IL15RA: variants seen among roughly 807,000 people sequenced by gnomAD.
IL15RA encodes interleukin-15 receptor subunit alpha.
IL15RA carries 26 observed loss-of-function variants against 24.2 expected under a neutral mutation model. The observed-to-expected ratio is 1.07, with a 90% CI of 0.79 to 1.49. The LOEUF (loss-of-function observed/expected upper bound fraction) is 1.49. Among genes scored for constraint, IL15RA ranks in the 40% most tolerant of loss-of-function variants. The probability of loss-of-function intolerance (pLI) is 0.00; values close to 1 mark genes in which losing one functional copy is unlikely to be tolerated. For synonymous variants in IL15RA, 166 were observed against 157.6 expected, an observed-to-expected ratio of 1.05 and a Z score of -0.40; for missense variants, 354 against 356.4, an observed-to-expected ratio of 0.99 and a Z score of 0.05.
chr10:5,962,591 C>CAAAA lies in IL15RA; in HGVS notation c.382+1148_382+1151dup, dbSNP rs1353262028. On this transcript the variant is annotated intron_variant, in intron 3 of 6. Coordinates refer to ENST00000379977, the MANE Select transcript of IL15RA (RefSeq NM_002189.4). This position sits in a 1 kb window ranked among gnomAD's most constrained non-coding sequence, Gnocchi z 5.2. Reference sequence around the variant, plus strand: ...TGGGCAATAGAGCAAGACCCCATCTCAAAAAAAAAAAAAAAAAAGATCCAC... The same window carrying CAAAA: ...TGGGCAATAGAGCAAGACCCCATCTCAAAAAAAAAAAAAAAAAAAAAAGATCCAC... 1.1e-4 allele frequency among the ~76,000 whole-genome samples: 12 copies of CAAAA among 108,988 alleles called. No homozygotes were observed. The highest frequency in any genetic ancestry group is 3.4e-4 in the African/African-American group (10 of 29,834). The allele number at this position is 108,988 out of a possible 152,430, so 71.5% of individuals were successfully genotyped here. A position where few individuals can be genotyped will look rare whatever the true frequency, so the allele number is the denominator to read the frequency against.
intron 1 of IL15RA, among the ~76,000 whole-genome samples, chr10:5,969,806 C>T (rs146712466): frequency 0.014 from 2,137 of 152,282 alleles, 30 homozygotes; most frequent in African/African-American, 0.034. Flanking sequence ...CCCATCAACA[C>T]GGTATCTCTC....
rs1834367036 is a variant in IL15RA at position 5,955,304 on chromosome 10, G to C, written c.692+1075C>G. The stretch of plus-strand genomic sequence containing the variant: ...AGTAGAGACAGGGTTTCTCCATGTT[G>C]GTCAGGCTGGTCTCGAACTCCTGAC... On this transcript the variant is annotated intron_variant, in intron 6 of 6. Coordinates refer to ENST00000379977, the MANE Select transcript of IL15RA (RefSeq NM_002189.4). The surrounding 1 kb of genome is among the most constrained non-coding windows in gnomAD (Gnocchi z 5.3). Among the ~76,000 whole-genome samples the C allele has an allele frequency of 6.6e-6, 1 of 151,978 alleles. No homozygotes were observed. Among genetic ancestry groups the C allele is most frequent in the African/African-American group, 2.4e-5 (1 of 41,346 alleles).
rs1316583064 is a variant in IL15RA, at chr10:5,968,976, C to A, written c.89-2637G>T. 3.3e-6 allele frequency: 5 copies of A among 1,534,900 alleles called. No homozygotes were observed. Among genetic ancestry groups the A allele is most frequent in the Non-Finnish European group, 4.4e-6 (5 of 1,146,334 alleles). On this transcript the variant is annotated intron_variant, in intron 1 of 6. Transcript: ENST00000379977. This position sits in a 1 kb window ranked among gnomAD's most constrained non-coding sequence, Gnocchi z 5.4. ...AGTGTTCCCTGCCCATTTCCAGCAG[C>A]CGTGGACCTCCAGGGCTGTTTGTGT... is the stretch of plus-strand genomic sequence containing the variant.
At position 5,975,019 on chromosome 10, in the gene IL15RA, C is replaced by A. The variant is rs1022579629; in HGVS notation, c.88+2386G>T. Reference sequence around the variant, plus strand: ...GGGAAACAATGGTGTGACATTGTTTCAAAAAAAAAAAAATTAAACATACAC... The same window carrying A: ...GGGAAACAATGGTGTGACATTGTTTAAAAAAAAAAAAAATTAAACATACAC... On this transcript the variant is annotated intron_variant, in intron 1 of 6. Coordinates refer to ENST00000379977, the MANE Select transcript of IL15RA (RefSeq NM_002189.4). This position sits in a 1 kb window ranked among gnomAD's most constrained non-coding sequence, Gnocchi z 4.8. Among the ~76,000 whole-genome samples the A allele has an allele frequency of 1.0e-4, 15 of 144,362 alleles. No individual in the cohort carries two copies. Among genetic ancestry groups the A allele is most frequent in the Admixed American group, 3.4e-4 (5 of 14,534 alleles). 94.7% of individuals were successfully genotyped at this position (144,362 alleles called of 152,430 possible). A position where few individuals can be genotyped will look rare whatever the true frequency, so the allele number is the denominator to read the frequency against.
Position 5,967,467 on chromosome 10 carries a change from T to C in IL15RA, c.89-1128A>G, listed in dbSNP as rs915014826. The stretch of plus-strand genomic sequence containing the variant: ...ATCATCCCGCTTTGGCCTCCCAAAG[T>C]GTTGGGATTACAGGTGTGAGCCACC... On this transcript the variant is annotated intron_variant, in intron 1 of 6. Transcript: ENST00000379977. This position sits in a 1 kb window ranked among gnomAD's most constrained non-coding sequence, Gnocchi z 4.4. Among the ~76,000 whole-genome samples the C allele has an allele frequency of 2.6e-5, 4 of 152,200 alleles. No homozygotes were observed. The highest frequency in any genetic ancestry group is 9.7e-5 in the African/African-American group (4 of 41,450).
At position 5,953,376 on chromosome 10, in the gene IL15RA, ACCTAGAATG is replaced by A; in HGVS notation, c.693-179_693-171del. Reference sequence around the variant, plus strand: ...CACTTAGTCCTCAGAGATGGAGAGAACCTAGAATGCCTACCTCTACCGAGTGTATTAAAT... The same window carrying A: ...CACTTAGTCCTCAGAGATGGAGAGAACCTACCTCTACCGAGTGTATTAAAT... On this transcript the variant is annotated intron_variant, in intron 6 of 6. Transcript: ENST00000379977. This position sits in a 1 kb window ranked among gnomAD's most constrained non-coding sequence, Gnocchi z 5.3. The A allele has an allele frequency of 1.4e-6, 1 of 715,696 alleles. No individual in the cohort carries two copies. Among genetic ancestry groups the A allele is most frequent in the East Asian group, 2.7e-5 (1 of 37,292 alleles). The allele number at this position is 715,696 out of a possible 1,614,324, so 44.3% of individuals were successfully genotyped here.
At position 5,965,163 on chromosome 10, in the gene IL15RA, T is replaced by C. The variant is rs1836297752; in HGVS notation, c.283+982A>G. On this transcript the variant is annotated intron_variant, in intron 2 of 6. Transcript: ENST00000379977. This position sits in a 1 kb window ranked among gnomAD's most constrained non-coding sequence, Gnocchi z 5.8. The stretch of plus-strand genomic sequence containing the variant: ...TGGGCCTGAGTGTTCCAGAAACAGC[T>C]CCAAGTGGTTCCCACCCGAGATGGT... Among the ~76,000 whole-genome samples, 1 of 151,838 alleles carries C rather than the reference T, an allele frequency of 6.6e-6. No homozygotes were observed. Among genetic ancestry groups the C allele is most frequent in the South Asian group, 2.1e-4 (1 of 4,804 alleles).
At chr10:5,974,603 G>A (rs1426039333) in intron 1 of IL15RA, among the ~76,000 whole-genome samples, 1 of 152,144 alleles carries the variant, frequency 6.6e-6, no homozygotes, top group Non-Finnish European at 1.5e-5. Flanking sequence ...GAGGCCAGGT[G>A]CAATGGCTCA....
In IL15RA at chr10:5,955,256, T is replaced by A. The variant is rs1834361678; in HGVS notation, c.692+1123A>T. On this transcript the variant is annotated intron_variant, in intron 6 of 6. Transcript: ENST00000379977. This position sits in a 1 kb window ranked among gnomAD's most constrained non-coding sequence, Gnocchi z 5.3. ...CTGGCATTACAGGCATGCACCACCATGGCCTGCTTATTTTGTATTTTTAGT... is the reference window on the plus strand; with the variant it reads ...CTGGCATTACAGGCATGCACCACCAAGGCCTGCTTATTTTGTATTTTTAGT... Among the ~76,000 whole-genome samples the A allele has an allele frequency of 1.3e-5, 2 of 152,004 alleles. No homozygotes were observed. Among genetic ancestry groups the A allele is most frequent in the Admixed American group, 6.6e-5 (1 of 15,240 alleles).
rs902567506 is a variant in IL15RA at position 5,966,698 on chromosome 10, A to G, written c.89-359T>C. ...CTCCAATTCTCACTGAACGACAGCA[A>G]GTGCCTCCAGATAGGCCCCCTGCAG... On this transcript the variant is annotated intron_variant, in intron 1 of 6. Coordinates refer to ENST00000379977, the MANE Select transcript of IL15RA (RefSeq NM_002189.4). The surrounding 1 kb of genome is among the most constrained non-coding windows in gnomAD (Gnocchi z 6.4). Among the ~76,000 whole-genome samples, 2 of 152,108 alleles carry G rather than the reference A, an allele frequency of 1.3e-5. No individual in the cohort carries two copies. Among genetic ancestry groups the G allele is most frequent in the African/African-American group, 4.8e-5 (2 of 41,426 alleles).
At chr10:5,956,571 T>G in intron 5 of IL15RA, 117 bp from the exon 6 acceptor site, 1 of 731,588 alleles carries the variant, frequency 1.4e-6, no homozygotes, top group Non-Finnish European at 2.4e-6. Flanking sequence ...ACCAGCCTCC[T>G]GCTAAGGACA....
intron 6 of IL15RA, 113 bp downstream of exon 6, chr10:5,956,266 T>G (rs759728375): frequency 8.1e-5 from 63 of 778,154 alleles, no homozygotes; most frequent in Non-Finnish European, 1.3e-4. Flanking sequence ...CTGCCCGCCT[T>G]GGCCTCCCAA....
Position 5,958,202 on chromosome 10 carries a change from T to G in IL15RA, c.616+1552A>C, listed in dbSNP as rs901190811. 2.6e-6 allele frequency: 1 copy of G among 387,160 alleles called. No homozygotes were observed. Among genetic ancestry groups the G allele is most frequent in the African/African-American group, 2.1e-5 (1 of 47,846 alleles). The allele number at this position is 387,160 out of a possible 1,614,324, so 24.0% of individuals were successfully genotyped here. Reference sequence around the variant, plus strand: ...GTTTTTGTGTCCTGATATGGGAGGATCTACAAGGTATACCAGCAAGTGGAA... The same window carrying G: ...GTTTTTGTGTCCTGATATGGGAGGAGCTACAAGGTATACCAGCAAGTGGAA... On this transcript the variant is annotated intron_variant, in intron 5 of 6. Transcript: ENST00000379977. The surrounding 1 kb of genome is among the most constrained non-coding windows in gnomAD (Gnocchi z 4.3).
chr10:5,978,442 C>T (rs1838771356), upstream of IL15RA, among the ~76,000 whole-genome samples: 1 of 152,118 alleles, frequency 6.6e-6, no homozygotes, highest in African/African-American at 2.4e-5. The surrounding 1 kb of genome is among the most constrained non-coding windows in gnomAD (Gnocchi z 5.2). Context: ...CTCCAAGCCT[C>T]GGTCATTGCC....
At chr10:5,957,210 C>T (rs1834667585) in intron 5 of IL15RA, among the ~76,000 whole-genome samples, 1 of 152,060 alleles carries the variant, frequency 6.6e-6, no homozygotes, top group African/African-American at 2.4e-5. Flanking sequence ...ATCCACCTGC[C>T]TCAGCCTCCC....
rs1836303977 is a variant in IL15RA at position 5,965,193 on chromosome 10, C to G, written c.283+952G>C. Among the ~76,000 whole-genome samples the G allele has an allele frequency of 6.6e-6, 1 of 151,794 alleles. No homozygotes were observed. Among genetic ancestry groups the G allele is most frequent in the African/African-American group, 2.4e-5 (1 of 41,322 alleles). ...GTGGTTCCCACCCGAGATGGTTTGGCTGCTTCTGGGACGTTTATCCAGGTG... is the reference window on the plus strand; with the variant it reads ...GTGGTTCCCACCCGAGATGGTTTGGGTGCTTCTGGGACGTTTATCCAGGTG... On this transcript the variant is annotated intron_variant, in intron 2 of 6. Coordinates refer to ENST00000379977, the MANE Select transcript of IL15RA (RefSeq NM_002189.4). This position sits in a 1 kb window ranked among gnomAD's most constrained non-coding sequence, Gnocchi z 5.8.
Position 5,961,511 on chromosome 10 carries a change from A to C in IL15RA, c.383-944T>G, listed in dbSNP as rs766930617. ...CAACGCTGGAGGCTCAGCTGAGAGCAGGTGAAGCTGCGCTGGCCGAGGACG... is the reference window on the plus strand; with the variant it reads ...CAACGCTGGAGGCTCAGCTGAGAGCCGGTGAAGCTGCGCTGGCCGAGGACG... On this transcript the variant is annotated intron_variant, in intron 3 of 6. Transcript: ENST00000379977. This position sits in a 1 kb window ranked among gnomAD's most constrained non-coding sequence, Gnocchi z 5.2. Among the ~76,000 whole-genome samples the C allele has an allele frequency of 6.6e-6, 1 of 152,248 alleles. No individual in the cohort carries two copies. Among genetic ancestry groups the C allele is most frequent in the Non-Finnish European group, 1.5e-5 (1 of 68,034 alleles).
At position 5,973,632 on chromosome 10, in the gene IL15RA, C is replaced by G. The variant is rs8177771; in HGVS notation, c.88+3773G>C. Among the ~76,000 whole-genome samples, 2,632 of 152,234 alleles carry G rather than the reference C, an allele frequency of 0.017. 48 individuals carry two copies. Among genetic ancestry groups the G allele is most frequent in the Middle Eastern group, 0.099 (29 of 294 alleles). ...AGAAACAAACAAAATCCCAAAACAA[C>G]CTTTAATTCATGCCTCACATTATAA... On this transcript the variant is annotated intron_variant, in intron 1 of 6. Coordinates refer to ENST00000379977, the MANE Select transcript of IL15RA (RefSeq NM_002189.4). This position sits in a 1 kb window ranked among gnomAD's most constrained non-coding sequence, Gnocchi z 4.5.
chr10:5,966,076 G>C lies in IL15RA; in HGVS notation c.283+69C>G. On this transcript the variant is annotated intron_variant, in intron 2 of 6. Transcript: ENST00000379977. This position sits in a 1 kb window ranked among gnomAD's most constrained non-coding sequence, Gnocchi z 6.4. ...CACAGATCCCTTGACCCCTGAGATG[G>C]GGTCTTCTCTCTGTGCAGCCTTGGC... 1 of 1,111,782 alleles carries C rather than the reference G, an allele frequency of 9.0e-7. No individual in the cohort carries two copies. The highest frequency in any genetic ancestry group is 1.3e-6 in the Non-Finnish European group (1 of 745,236). The allele number at this position is 1,111,782 out of a possible 1,614,324, so 68.9% of individuals were successfully genotyped here.
Sources: allele counts gnomAD v4.1 joint callset (sites outside exome capture counted in the v4.1 genomes callset), GRCh38; gene constraint gnomAD v4.1.1; non-coding constraint Gnocchi (gnomAD v3.1); transcripts MANE v1.5; gene names NCBI Gene and HGNC (gene_info 2026-07-23, HGNC 2026-07-21).